AMD1: variants seen among roughly 807,000 people sequenced by gnomAD.
AMD1 encodes S-adenosylmethionine decarboxylase proenzyme.
In AMD1, 11 loss-of-function variants were observed where a neutral mutation model predicts 40.2. That is an observed-to-expected ratio of 0.27 (90% CI 0.17 to 0.45). AMD1 has a LOEUF of 0.45. Ranked by LOEUF, AMD1 falls within the 20% of genes least tolerant of loss-of-function variation. The pLI is 1.00. For synonymous variants in AMD1, 121 were observed against 130.8 expected, an observed-to-expected ratio of 0.93 and a Z score of 0.51; for missense variants, 257 against 410.2, an observed-to-expected ratio of 0.63 and a Z score of 3.23.
chr6:110,892,101 A>G (rs1030934517), intron 4 of AMD1, 60 bp from the exon 5 acceptor site: 12 of 1,574,128 alleles, frequency 7.6e-6, no homozygotes, highest in Non-Finnish European at 1.0e-5. Flanking sequence ...GAAGGGTAGT[A>G]ACAAACCATC....
At chr6:110,824,555 A>G in the AMD1 span, among the ~76,000 whole-genome samples, 1 of 152,246 alleles carries the variant, frequency 6.6e-6, no homozygotes, top group Admixed American at 6.5e-5. Context: ...AGCCACTTGT[A>G]TCCTAAAAAC....
intron 1 of AMD1, among the ~76,000 whole-genome samples, chr6:110,878,089 A>G (rs909751471): frequency 4.6e-5 from 7 of 152,238 alleles, no homozygotes; most frequent in African/African-American, 1.7e-4. Flanking sequence ...TGAATCAGTC[A>G]ATCATCTAGG....
chr6:110,818,534 A>G, the AMD1 span, among the ~76,000 whole-genome samples: 1 of 149,230 alleles, frequency 6.7e-6, no homozygotes, highest in Admixed American at 6.6e-5. Context: ...TTATATATAT[A>G]TTTATTTATT....
intron 1 of AMD1, among the ~76,000 whole-genome samples, chr6:110,881,263 A>G (rs1291256578): frequency 3.3e-5 from 5 of 152,118 alleles, no homozygotes; most frequent in Admixed American, 1.3e-4. Context: ...GTCAATGACT[A>G]TCCTGTTAAT....
the AMD1 span, among the ~76,000 whole-genome samples, chr6:110,838,813 C>G: frequency 6.6e-6 from 1 of 152,106 alleles, no homozygotes; most frequent in African/African-American, 2.4e-5. Flanking sequence ...GAGCTGAGGT[C>G]GCATCATTGC....
chr6:110,859,813 C>T, the AMD1 span, among the ~76,000 whole-genome samples: 1 of 152,240 alleles, frequency 6.6e-6, no homozygotes, highest in South Asian at 2.1e-4. Flanking sequence ...ATGCTAACCA[C>T]CCCCTCCACT....
At chr6:110,887,466 CTA>C (rs772139439) in intron 1 of AMD1, 37 bp from the exon 2 acceptor site, 2 of 1,458,500 alleles carry the variant, frequency 1.4e-6, no homozygotes, top group South Asian at 2.5e-5. Flanking sequence ...TAGGTGGGTA[CTA>C]TTGTGGATTA....
chr6:110,879,048 AC>A (rs1292727751), intron 1 of AMD1, among the ~76,000 whole-genome samples: 1 of 152,222 alleles, frequency 6.6e-6, no homozygotes, highest in Non-Finnish European at 1.5e-5. Context: ...GCTTCTCGTT[AC>A]ATTCCTCCCA....
At chr6:110,818,967 CAGCCCTGAGTATTA>C in the AMD1 span, among the ~76,000 whole-genome samples, 1 of 152,222 alleles carries the variant, frequency 6.6e-6, no homozygotes, top group African/African-American at 2.4e-5. Context: ...GAACTATAAT[CAGCCCTGAGTATTA>C]AGCAAATTCT....
At chr6:110,893,425 A>G in intron 8 of AMD1, 51 bp from the exon 9 acceptor site, 1 of 1,600,544 alleles carries the variant, frequency 6.2e-7, no homozygotes, top group Non-Finnish European at 8.5e-7. Flanking sequence ...TTTGGTTGAA[A>G]ATACTTCTCT....
At chr6:110,846,026 G>A in the AMD1 span, among the ~76,000 whole-genome samples, 1 of 152,224 alleles carries the variant, frequency 6.6e-6, no homozygotes, top group Admixed American at 6.5e-5. Context: ...TGGATCACAA[G>A]GTCAGATGTT....
the AMD1 span, among the ~76,000 whole-genome samples, chr6:110,847,707 TGTTTTTTGTTTTTTG>T: frequency 1.4e-5 from 2 of 142,766 alleles, no homozygotes; most frequent in East Asian, 2.3e-4. Context: ...TTTTGTTTTT[TGTTTTTTGTTTTTTG>T]TTTTTTTGAG....
At chr6:110,853,608 T>C in the AMD1 span, among the ~76,000 whole-genome samples, 3 of 151,982 alleles carry the variant, frequency 2.0e-5, no homozygotes, top group Admixed American at 1.3e-4. Flanking sequence ...CACCTGGCCA[T>C]TTTTGTATTT....
the AMD1 span, among the ~76,000 whole-genome samples, chr6:110,861,169 TA>T: frequency 6.6e-6 from 1 of 151,918 alleles, no homozygotes; most frequent in African/African-American, 2.4e-5. Context: ...CCATCCTGGC[TA>T]ACATGGTGAA....
chr6:110,847,750 C>T, the AMD1 span, among the ~76,000 whole-genome samples: 1 of 149,240 alleles, frequency 6.7e-6, no homozygotes, highest in Non-Finnish European at 1.5e-5. Flanking sequence ...CTTGCTCTGT[C>T]ACCTAGGCTG....
the AMD1 span, among the ~76,000 whole-genome samples, chr6:110,867,618 C>T: frequency 4.6e-5 from 7 of 152,126 alleles, no homozygotes; most frequent in African/African-American, 1.4e-4. Flanking sequence ...GAGCCAAGAT[C>T]GTGCTACTGC....
chr6:110,834,653 G>A, the AMD1 span, among the ~76,000 whole-genome samples: 155 of 151,962 alleles, frequency 1.0e-3, no homozygotes, highest in African/African-American at 3.6e-3. Flanking sequence ...TGAGATCCCT[G>A]CATCCACCAA....
chr6:110,861,796 T>G, the AMD1 span, among the ~76,000 whole-genome samples: 3 of 148,312 alleles, frequency 2.0e-5, no homozygotes, highest in Non-Finnish European at 4.5e-5. Flanking sequence ...GAGCCAAGAT[T>G]GCGCCACTGC....
At chr6:110,855,070 T>TC in the AMD1 span, among the ~76,000 whole-genome samples, 1 of 142,194 alleles carries the variant, frequency 7.0e-6, no homozygotes, top group African/African-American at 2.6e-5. Context: ...TCTCTCTTTT[T>TC]TTTTTTTTTT....
Sources: allele counts gnomAD v4.1 joint callset (sites outside exome capture counted in the v4.1 genomes callset), GRCh38; gene constraint gnomAD v4.1.1; transcripts MANE v1.5; gene names NCBI Gene and HGNC (gene_info 2026-07-23, HGNC 2026-07-21).